Variants in CEP290 observed in about 807,000 individuals in gnomAD.
The protein encoded by CEP290 is centrosomal protein 290.
Under a neutral mutation model 344.9 loss-of-function variants are expected in CEP290, and 317 were observed. The observed-to-expected ratio is 0.92, with a 90% CI of 0.84 to 1.01. CEP290 has a LOEUF of 1.01. CEP290 is among the 50% of genes least tolerant of loss of function. CEP290 has a pLI of 0.00. For synonymous variants in CEP290, 932 were observed against 895.8 expected, an observed-to-expected ratio of 1.04 and a Z score of -0.72; for missense variants, 2,754 against 2,761.4, an observed-to-expected ratio of 1.00 and a Z score of 0.06.
At chr12:88,053,578 C>CAAAAA in intron 52 of CEP290, 74 bp downstream of exon 52, 1 of 567,476 alleles carries the variant, frequency 1.8e-6, no homozygotes, top group Non-Finnish European at 3.1e-6. Context: ...AAATCTGAGC[C>CAAAAA]AAAAAAAAAA....
At chr12:88,071,220 T>C in intron 43 of CEP290, 74 bp downstream of exon 43, 1 of 1,190,404 alleles carries the variant, frequency 8.4e-7, no homozygotes, top group South Asian at 1.4e-5. Flanking sequence ...ACAACACACA[T>C]TTATTATTTC....
At chr12:88,141,459 G>A in intron 1 of CEP290, 125 bp from the exon 2 acceptor site, 1 of 466,402 alleles carries the variant, frequency 2.1e-6, no homozygotes. Context: ...AGACAATTGG[G>A]CCACAAAATA....
chr12:88,084,880 T>C, intron 34 of CEP290, 28 bp from the exon 35 acceptor site: 3 of 1,439,496 alleles, frequency 2.1e-6, no homozygotes, highest in Non-Finnish European at 2.8e-6. Context: ...TAATAAATCA[T>C]TAAAGTATCT....
At chr12:88,070,419 T>C (rs1408958801) in intron 43 of CEP290, among the ~76,000 whole-genome samples, 1 of 152,166 alleles carries the variant, frequency 6.6e-6, no homozygotes, top group Admixed American at 6.5e-5. Flanking sequence ...TAATTCTAGC[T>C]CGAGTAAAGA....
intron 13 of CEP290, among the ~76,000 whole-genome samples, chr12:88,124,594 A>G (rs982908142): frequency 2.7e-5 from 4 of 150,516 alleles, no homozygotes; most frequent in South Asian, 4.2e-4. Context: ...ATGTATATAT[A>G]TATGACATGA....
intron 47 of CEP290, among the ~76,000 whole-genome samples, chr12:88,060,312 G>A (rs888380653): frequency 6.6e-6 from 1 of 152,050 alleles, no homozygotes; most frequent in Admixed American, 6.6e-5. Context: ...TTTTCACAAA[G>A]AGACACAGAG....
At chr12:88,131,140 C>T in intron 7 of CEP290, 25 bp downstream of exon 7, 1 of 1,480,648 alleles carries the variant, frequency 6.8e-7, no homozygotes. Flanking sequence ...TTTGTTGAAC[C>T]ACCACAACTA....
chr12:88,134,046 T>C (rs891733324), intron 6 of CEP290, among the ~76,000 whole-genome samples: 7 of 152,228 alleles, frequency 4.6e-5, no homozygotes, highest in African/African-American at 7.2e-5. Flanking sequence ...AATGTCTACA[T>C]TGATGATTCA....
At chr12:88,108,913 T>C (rs1459633907) in intron 23 of CEP290, among the ~76,000 whole-genome samples, 153 bp downstream of exon 23, 1 of 151,822 alleles carries the variant, frequency 6.6e-6, no homozygotes, top group African/African-American at 2.4e-5. Context: ...TCTCCATAAA[T>C]AAGTTCCTAA....
At chr12:88,069,141 C>A (rs1487827270) in intron 43 of CEP290, among the ~76,000 whole-genome samples, 2 of 152,138 alleles carry the variant, frequency 1.3e-5, no homozygotes, top group Non-Finnish European at 2.9e-5. Flanking sequence ...CCACATCTAT[C>A]CAACCTTATT....
At position 88,131,183 on chromosome 12, in the gene CEP290, G is replaced by T; in HGVS notation, c.477C>A (p.Asn159Lys). Residue 159 changes from asparagine (N) to lysine (K), a missense_variant, in exon 7 of 54, where the codon AAC (asparagine) becomes AAA (lysine). Coordinates refer to ENST00000552810, the MANE Select transcript of CEP290 (RefSeq NM_025114.4). The part of the protein sequence containing the change: ...ALRNEEAENE[N>K]SKLRRENKRL... ...TTTTTACCTCTCTTCTTAATTTGCT[G>T]TTTTCATTTTCTGCCTCCTCATTTC... is the stretch of plus-strand genomic sequence containing the variant. The T allele has an allele frequency of 2.0e-6, 3 of 1,512,660 alleles. No individual in the cohort carries two copies. The highest frequency in any genetic ancestry group is 2.4e-5 in the Admixed American group (1 of 42,442). The allele number at this position is 1,512,660 out of a possible 1,614,324, so 93.7% of individuals were successfully genotyped here.
chr12:88,114,404 G>C lies in CEP290; in HGVS notation c.2052+16C>G. ...AGTGATAGGGGAAAAACATTAACAT[G>C]AAAAAAATAACTTACATTAACTAGT... On this transcript the variant is annotated intron_variant, in intron 20 of 53. Transcript: ENST00000552810. The C allele has an allele frequency of 6.5e-7, 1 of 1,532,404 alleles. No individual in the cohort carries two copies. The highest frequency in any genetic ancestry group is 8.8e-7 in the Non-Finnish European group (1 of 1,138,658). 94.9% of individuals were successfully genotyped at this position (1,532,404 alleles called of 1,614,324 possible).
chr12:88,120,866 A>T, intron 14 of CEP290, 131 bp downstream of exon 14: 1 of 734,968 alleles, frequency 1.4e-6, no homozygotes, highest in Non-Finnish European at 2.1e-6. Flanking sequence ...AGTATAAATT[A>T]ATGAGGATAA....
rs2037239142 is a variant in CEP290 at position 88,093,934 on chromosome 12, T to C, written c.3145A>G (p.Asn1049Asp). 4.3e-6 allele frequency: 7 copies of C among 1,612,282 alleles called. No individual in the cohort carries two copies. The highest frequency in any genetic ancestry group is 5.9e-6 in the Non-Finnish European group (7 of 1,179,312). ...SMDKAKKSIT[N>D]SDIVSISKKI... ...TTTGAAATGGAAACAATGTCACTGT[T>C]GGTTATTGATTTCTTTGCCTTATCC... Residue 1049 changes from asparagine (N) to aspartate (D), a missense_variant, in exon 28 of 54, where the codon AAC becomes GAC. Physicochemically the swap from Asn to Asp is conservative, Grantham distance 23 (BLOSUM62 1). Coordinates refer to ENST00000552810, the MANE Select transcript of CEP290 (RefSeq NM_025114.4).
At position 88,087,851 on chromosome 12, in the gene CEP290, A is replaced by T. The variant is rs368322148; in HGVS notation, c.4123T>A (p.Leu1375Met). 4.7e-6 allele frequency: 6 copies of T among 1,276,164 alleles called. No homozygotes were observed. The highest frequency in any genetic ancestry group is 6.0e-6 in the Non-Finnish European group (6 of 992,196). 79.1% of individuals were successfully genotyped at this position (1,276,164 alleles called of 1,614,324 possible). Reference sequence around the variant, plus strand: ...TCATATTCAGAAATTATGTTATTCAAATATTTTATTTCTTCTTTATCCTTG... The same window carrying T: ...TCATATTCAGAAATTATGTTATTCATATATTTTATTTCTTCTTTATCCTTG... Reference protein sequence around the residue: ...LVKDKEEIKYLNNIISEYERT... With the variant: ...LVKDKEEIKYMNNIISEYERT... Residue 1375 changes from leucine to methionine, a missense_variant, in exon 32 of 54, where the codon TTG becomes ATG. Transcript: ENST00000552810.
At chr12:88,106,362 C>A (rs2038278505) in intron 25 of CEP290, among the ~76,000 whole-genome samples, 1 of 151,648 alleles carries the variant, frequency 6.6e-6, no homozygotes, top group Non-Finnish European at 1.5e-5. Flanking sequence ...ATTCTTTGAT[C>A]AAAAAATGTA....
At position 88,077,316 on chromosome 12, in the gene CEP290, CTTTG is replaced by C. The variant is rs727503853; in HGVS notation, c.5611_5614del (p.Gln1871ValfsTer2). ...TTTCCTTTGGAGTTCTTCAATTAGA[CTTTG>C]TTTATTATCTGTCAGGGGTTTGCCC... On this transcript the variant is annotated frameshift_variant, in exon 41 of 54. Transcript: ENST00000552810. LOFTEE classifies it high-confidence loss of function. 6 of 1,579,692 alleles carry C rather than the reference CTTTG, an allele frequency of 3.8e-6. No homozygotes were observed. Among genetic ancestry groups the C allele is most frequent in the South Asian group, 1.2e-5 (1 of 85,914 alleles).
At chr12:88,069,081 A>C (rs1165288832) in intron 43 of CEP290, among the ~76,000 whole-genome samples, 1 of 152,158 alleles carries the variant, frequency 6.6e-6, no homozygotes, top group Admixed American at 6.5e-5. Flanking sequence ...TAACACTTCA[A>C]GTCTAAAAAC....
chr12:88,099,384 A>G (rs2037701411), intron 26 of CEP290, among the ~76,000 whole-genome samples: 1 of 152,198 alleles, frequency 6.6e-6, no homozygotes, highest in Admixed American at 6.5e-5. Flanking sequence ...TAAAGTAGGT[A>G]ATTCTGTACA....
Sources: gnomAD v4.1 joint callset for allele counts (sites outside exome capture counted in the v4.1 genomes callset) on GRCh38, gnomAD v4.1.1 for gene constraint, MANE v1.5 for transcripts, NCBI Gene and HGNC (gene_info 2026-07-23, HGNC 2026-07-21) for gene names.